C2CD3: variants seen among roughly 807,000 people sequenced by gnomAD.
C2CD3 encodes the protein C2 domain-containing protein 3.
C2CD3 carries 148 observed loss-of-function variants against 234.0 expected under a neutral mutation model. The ratio of observed to expected loss-of-function variants is 0.63; its 90% CI spans 0.55 to 0.72. C2CD3 has a LOEUF of 0.72. Among genes scored for constraint, C2CD3 ranks in the 30% least tolerant of loss-of-function variants. C2CD3 has a pLI of 0.00. For missense variants in C2CD3, 2,577 were observed against 2,811.5 expected, an observed-to-expected ratio of 0.92 and a Z score of 1.89; for synonymous variants, 1,000 against 1,035.4, an observed-to-expected ratio of 0.97 and a Z score of 0.66.
At chr11:74,137,865 C>A (rs548010648) in intron 5 of C2CD3, among the ~76,000 whole-genome samples, 1 of 152,236 alleles carries the variant, frequency 6.6e-6, no homozygotes, top group African/African-American at 2.4e-5. Context: ...GGATTACAGG[C>A]GTGAGCCACC....
chr11:74,094,520 T>C (rs536755574), intron 17 of C2CD3, among the ~76,000 whole-genome samples: 27 of 152,290 alleles, frequency 1.8e-4, no homozygotes, highest in African/African-American at 6.0e-4. Flanking sequence ...TCGAGTCACC[T>C]GGTCTGTTTG....
chr11:74,024,812 A>AACCCATCAAGTAGTGAGAGAG (rs1952223978), intron 32 of C2CD3, among the ~76,000 whole-genome samples: 1 of 152,102 alleles, frequency 6.6e-6, no homozygotes, highest in African/African-American at 2.4e-5. Flanking sequence ...GTGCTGCAAT[A>AACCCATCAAGTAGTGAGAGAG]ACCCATCAAG....
At chr11:74,067,125 C>T (rs1239913379) in intron 24 of C2CD3, among the ~76,000 whole-genome samples, 1 of 152,096 alleles carries the variant, frequency 6.6e-6, no homozygotes, top group Non-Finnish European at 1.5e-5. Context: ...GCACCCAGGG[C>T]ACAAAACCAG....
chr11:74,019,052 CT>C (rs200190104), intron 32 of C2CD3, among the ~76,000 whole-genome samples: 1 of 151,978 alleles, frequency 6.6e-6, no homozygotes, highest in African/African-American at 2.4e-5. Flanking sequence ...CTCCTCAACC[CT>C]TTTTTTTGTT....
At chr11:74,084,776 G>C (rs1955564955) in intron 22 of C2CD3, 105 bp downstream of exon 22, 1 of 715,148 alleles carries the variant, frequency 1.4e-6, no homozygotes, top group Non-Finnish European at 2.5e-6. Context: ...TTAAGGGGTT[G>C]TGTTTTCTTT....
At chr11:74,109,452 C>A (rs1204878578) in intron 11 of C2CD3, 1 of 257,510 alleles carries the variant, frequency 3.9e-6, no homozygotes, top group Non-Finnish European at 7.3e-6. Context: ...ATATACTTCA[C>A]TGGGTTTTAG....
chr11:74,088,280 T>G (rs699142), intron 20 of C2CD3, among the ~76,000 whole-genome samples: 55,635 of 152,094 alleles, frequency 0.37, 11,105 homozygotes, highest in African/African-American at 0.52. Flanking sequence ...TATTTAAAAT[T>G]TCCATTTCAG....
At chr11:74,040,533 G>GA (rs1232787420) in intron 29 of C2CD3, among the ~76,000 whole-genome samples, 1 of 151,866 alleles carries the variant, frequency 6.6e-6, no homozygotes, top group Non-Finnish European at 1.5e-5. Flanking sequence ...AGCACTTTGG[G>GA]GTCACGAGGT....
At chr11:74,026,163 C>T (rs1172893276) in intron 32 of C2CD3, among the ~76,000 whole-genome samples, 1 of 152,170 alleles carries the variant, frequency 6.6e-6, no homozygotes, top group Non-Finnish European at 1.5e-5. Context: ...AAAAAATTAG[C>T]TGGTTGTGGT....
chr11:74,065,358 G>A (rs751652494), intron 24 of C2CD3, among the ~76,000 whole-genome samples: 32 of 152,222 alleles, frequency 2.1e-4, no homozygotes, highest in Non-Finnish European at 3.8e-4. Context: ...CAAAACCACA[G>A]TGAGATACCA....
At chr11:74,028,823 C>T (rs748275023) in intron 31 of C2CD3, among the ~76,000 whole-genome samples, 3 of 152,210 alleles carry the variant, frequency 2.0e-5, no homozygotes, top group Non-Finnish European at 4.4e-5. Context: ...AGGTAGCAGG[C>T]GTTGAATGAT....
At position 74,109,360 on chromosome 11, in the gene C2CD3, C is replaced by A. The variant is rs550906128; in HGVS notation, c.1844-208G>T. Reference sequence around the variant, plus strand: ...AACTCTGGAGATAGTACACAGAAGACAGGCAGTGCTATGTTGCTCCGCTTT... The same window carrying A: ...AACTCTGGAGATAGTACACAGAAGAAAGGCAGTGCTATGTTGCTCCGCTTT... On this transcript the variant is annotated intron_variant, in intron 11 of 32. Transcript: ENST00000334126. The A allele has an allele frequency of 1.0e-5, 5 of 487,140 alleles. No homozygotes were observed. In the East Asian group the frequency reaches 1.8e-4, roughly 17 times the overall value. The allele number at this position is 487,140 out of a possible 1,614,324, so 30.2% of individuals were successfully genotyped here. A position where few individuals can be genotyped will look rare whatever the true frequency, so the allele number is the denominator to read the frequency against.
chr11:74,108,942 G>A, intron 12 of C2CD3, 92 bp downstream of exon 12: 1 of 692,156 alleles, frequency 1.4e-6, no homozygotes, highest in South Asian at 1.7e-5. Flanking sequence ...GCCTGCACCT[G>A]AAGATTCCTA....
rs117292969 is a variant in C2CD3 at position 74,021,605 on chromosome 11, A to G, written c.6921+6682T>C. On this transcript the variant is annotated intron_variant, in intron 32 of 32. Transcript: ENST00000334126. The stretch of plus-strand genomic sequence containing the variant: ...TGATGCCTTAGAAATAAGTGAAGAA[A>G]GTGTTCAAAGGAGAGAGATCAACTG... Among the ~76,000 whole-genome samples, 41 of 152,338 alleles carry G rather than the reference A, an allele frequency of 2.7e-4. 1 individual carries two copies. The East Asian group carries it at 7.5e-3, about 28-fold the overall frequency.
At chr11:74,049,868 A>T (rs1953590413) in intron 26 of C2CD3, among the ~76,000 whole-genome samples, 1 of 152,032 alleles carries the variant, frequency 6.6e-6, no homozygotes, top group African/African-American at 2.4e-5. Flanking sequence ...GCGGCCTCGA[A>T]CTCGCAAACT....
At chr11:74,097,023 C>T (rs190978751) in intron 16 of C2CD3, among the ~76,000 whole-genome samples, 1 of 152,010 alleles carries the variant, frequency 6.6e-6, no homozygotes, top group East Asian at 1.9e-4. Context: ...GTGGTGGGTG[C>T]CTGTAATCCC....
intron 11 of C2CD3, chr11:74,113,083 T>C (rs1956798706): frequency 6.6e-6 from 1 of 152,236 alleles, no homozygotes; most frequent in Non-Finnish European, 1.5e-5. Context: ...AAATGAAATG[T>C]GGTATATCTA....
intron 19 of C2CD3, among the ~76,000 whole-genome samples, chr11:74,091,543 C>T (rs867848246): frequency 6.6e-6 from 1 of 152,158 alleles, no homozygotes; most frequent in East Asian, 1.9e-4. Flanking sequence ...GGCTAAACTT[C>T]GTTATCTGAT....
Position 74,106,453 on chromosome 11 carries a change from A to T in C2CD3, c.2003T>A (p.Val668Asp). The T allele has an allele frequency of 6.2e-7, 1 of 1,614,002 alleles. No individual in the cohort carries two copies. The highest frequency in any genetic ancestry group is 8.5e-7 in the Non-Finnish European group (1 of 1,179,854). Residue 668 changes from valine to aspartate, a missense_variant, in exon 13 of 33, where the codon GTC becomes GAC. Transcript: ENST00000334126. ...GAAAGAAAGCAGCTCTGATTGAATG[A>T]CAGCTCGCAAAGAAAGTGACACAGA... The part of the protein sequence containing the change: ...IGSVSLSLRA[V>D]IQSELLSFSD...
Sources: allele counts gnomAD v4.1 joint callset (sites outside exome capture counted in the v4.1 genomes callset), GRCh38; gene constraint gnomAD v4.1.1; transcripts MANE v1.5; gene names NCBI Gene and HGNC (gene_info 2026-07-23, HGNC 2026-07-21).